ZRANB3: variants seen among roughly 807,000 people sequenced by gnomAD.
ZRANB3 encodes zinc finger RANBP2-type containing 3.
In ZRANB3, 125 loss-of-function variants were observed where a neutral mutation model predicts 133.8. That is an observed-to-expected ratio of 0.93 (90% CI 0.81 to 1.08). The LOEUF is 1.08. Ranked by LOEUF, ZRANB3 falls within the 50% of genes least tolerant of loss-of-function variation. ZRANB3 has a pLI of 0.00. For synonymous variants in ZRANB3, 387 were observed against 432.7 expected (o/e 0.89, Z 1.31); for missense variants, 1,229 against 1,275.5 (o/e 0.96, Z 0.56).
chr2:135,526,518 T>TACATGTTTAGCAGAC (rs1226569051), intron 1 of ZRANB3, among the ~76,000 whole-genome samples: 1 of 152,232 alleles, frequency 6.6e-6, no homozygotes, highest in Non-Finnish European at 1.5e-5. Context: ...AGTCATGCCC[T>TACATGTTTAGCAGAC]ACAAACCATA....
intron 8 of ZRANB3, 48 bp from the exon 9 acceptor site, chr2:135,275,803 T>G: frequency 7.2e-7 from 1 of 1,382,200 alleles, no homozygotes; most frequent in African/African-American, 1.5e-5. Flanking sequence ...AATGATTATT[T>G]AAAATTTATG....
chr2:135,236,575 T>C (rs900775016), intron 12 of ZRANB3, among the ~76,000 whole-genome samples: 3 of 152,200 alleles, frequency 2.0e-5, no homozygotes, highest in African/African-American at 7.2e-5. Flanking sequence ...AGCATGGTAC[T>C]GGTACCAAAA....
intron 1 of ZRANB3, among the ~76,000 whole-genome samples, chr2:135,523,165 T>C (rs903151576): frequency 7.2e-5 from 11 of 152,212 alleles, no homozygotes; most frequent in South Asian, 2.1e-4. Context: ...TTACTCAAAC[T>C]GGGTTTCATT....
chr2:135,406,510 CA>C (rs1056446419), intron 2 of ZRANB3, among the ~76,000 whole-genome samples: 2 of 151,898 alleles, frequency 1.3e-5, no homozygotes, highest in African/African-American at 4.8e-5. Context: ...CTAGCAGAGA[CA>C]AAACAAAAAA....
At chr2:135,346,557 C>T (rs1006894957) in intron 5 of ZRANB3, among the ~76,000 whole-genome samples, 1 of 151,988 alleles carries the variant, frequency 6.6e-6, no homozygotes, top group South Asian at 2.1e-4. Flanking sequence ...CATCCATTTG[C>T]ATTTCTATTA....
At chr2:135,243,912 G>T (rs971296179) in intron 12 of ZRANB3, among the ~76,000 whole-genome samples, 3 of 151,746 alleles carry the variant, frequency 2.0e-5, no homozygotes, top group African/African-American at 7.3e-5. Flanking sequence ...GAGCCACCAT[G>T]CCCGGCCTTA....
chr2:135,504,075 G>C, intron 2 of ZRANB3: 1 of 489,976 alleles, frequency 2.0e-6, no homozygotes, highest in Admixed American at 3.2e-5. Flanking sequence ...CAATATATGA[G>C]TTGCTGAGAG....
Position 135,315,492 on chromosome 2 carries a change from G to A in ZRANB3, c.716C>T (p.Ala239Val). ...GKRPQWDCRG[A>V]SNLNELHQLL... is the part of the protein sequence containing the mutation. ...CTGGTGAAGTTCATTAAGATTTGAT[G>A]CCCCTCTACAATCCCACTGAGGTCT... Residue 239 changes from alanine (A) to valine (V), a missense_variant, in exon 7 of 21, where the codon GCA becomes GTA. Physicochemically the swap from Ala to Val is moderately conservative, Grantham distance 64. Transcript: ENST00000264159. 3 of 1,580,556 alleles carry A rather than the reference G, an allele frequency of 1.9e-6. No individual in the cohort carries two copies. The highest frequency in any genetic ancestry group is 2.6e-6 in the Non-Finnish European group (3 of 1,167,066).
At chr2:135,394,792 C>CAA (rs1687400402) in intron 2 of ZRANB3, among the ~76,000 whole-genome samples, 1 of 151,478 alleles carries the variant, frequency 6.6e-6, no homozygotes, top group Non-Finnish European at 1.5e-5. Flanking sequence ...AAGAATCCAG[C>CAA]AAAAGAGAAT....
chr2:135,417,861 C>T (rs923990372), intron 2 of ZRANB3, among the ~76,000 whole-genome samples: 3 of 151,860 alleles, frequency 2.0e-5, no homozygotes, highest in East Asian at 1.9e-4. Context: ...ATCGCAAGGA[C>T]AAAAAACTGA....
chr2:135,416,276 C>A (rs1303436572), intron 2 of ZRANB3, among the ~76,000 whole-genome samples: 1 of 152,032 alleles, frequency 6.6e-6, no homozygotes, highest in South Asian at 2.1e-4. Flanking sequence ...GATACAAAAT[C>A]AATGTGCAAA....
In ZRANB3 at chr2:135,349,908, A is replaced by G. The variant is rs16831547; in HGVS notation, c.591+76T>C. The G allele has an allele frequency of 6.4e-3, 8,521 of 1,326,114 alleles. 376 individuals carry two copies. The African/African-American group carries it at 0.1, about 16-fold the overall frequency. The allele number at this position is 1,326,114 out of a possible 1,614,324, so 82.1% of individuals were successfully genotyped here. A position where few individuals can be genotyped will look rare whatever the true frequency, so the allele number is the denominator to read the frequency against. On this transcript the variant is annotated intron_variant, in intron 5 of 20. Transcript: ENST00000264159. ...CATCTAATTTGAAATTAAAAATTGCAAAACAGGTGGTTGATTCAATACGCC... is the reference window on the plus strand; with the variant it reads ...CATCTAATTTGAAATTAAAAATTGCGAAACAGGTGGTTGATTCAATACGCC...
rs1386409254 is a variant in ZRANB3 at position 135,402,456 on chromosome 2, G to A, written c.162-11636C>T. Among the ~76,000 whole-genome samples the A allele has an allele frequency of 3.3e-5, 5 of 151,412 alleles. No homozygotes were observed. In the South Asian group the frequency reaches 6.3e-4, roughly 19 times the overall value. On this transcript the variant is annotated intron_variant, in intron 2 of 20. Transcript: ENST00000264159. ...ACTACAGGAGCCCACCACCACGTCC[G>A]GCTAATTTTTTGTATTTTTAGTAGA...
chr2:135,464,399 T>G (rs1307556171), intron 2 of ZRANB3, among the ~76,000 whole-genome samples: 1 of 152,182 alleles, frequency 6.6e-6, no homozygotes, highest in Non-Finnish European at 1.5e-5. Flanking sequence ...CTGTTCGCCT[T>G]AGGGTGGAAG....
At chr2:135,275,986 A>G (rs1018129570) in intron 8 of ZRANB3, among the ~76,000 whole-genome samples, 4 of 152,176 alleles carry the variant, frequency 2.6e-5, no homozygotes, top group African/African-American at 9.7e-5. Context: ...GACAAGAATT[A>G]GAAGAATTAA....
chr2:135,250,189 C>T (rs1375494112), intron 12 of ZRANB3, among the ~76,000 whole-genome samples: 1 of 152,060 alleles, frequency 6.6e-6, no homozygotes, highest in Non-Finnish European at 1.5e-5. Flanking sequence ...GGCATTTTGC[C>T]CCTACCCTAG....
At chr2:135,474,530 C>T (rs6748210) in intron 2 of ZRANB3, among the ~76,000 whole-genome samples, 15,579 of 152,014 alleles carry the variant, frequency 0.1, 1,057 homozygotes, top group South Asian at 0.32. Context: ...AAGAAGCTGG[C>T]GCCTCCTCTC....
At position 135,408,447 on chromosome 2, in the gene ZRANB3, A is replaced by C. The variant is rs1379167585; in HGVS notation, c.162-17627T>G. On this transcript the variant is annotated intron_variant, in intron 2 of 20. Coordinates refer to ENST00000264159, the MANE Select transcript of ZRANB3 (RefSeq NM_032143.4). ...CCTAAGGGATCTACAACTAGAAATA[A>C]CGTTTGACCCAGCCATCCCATTACT... 8.0e-4 allele frequency among the ~76,000 whole-genome samples: 120 copies of C among 149,472 alleles called. 1 individual carries two copies. Among genetic ancestry groups the C allele is most frequent in the Non-Finnish European group, 1.3e-4 (9 of 67,994 alleles).
chr2:135,217,328 T>C (rs1165355733), intron 17 of ZRANB3, 137 bp downstream of exon 17: 3 of 818,156 alleles, frequency 3.7e-6, no homozygotes, highest in Non-Finnish European at 5.4e-6. Flanking sequence ...TGAAACAATA[T>C]GGCTGTGATT....
Sources: allele counts gnomAD v4.1 joint callset (sites outside exome capture counted in the v4.1 genomes callset), GRCh38; gene constraint gnomAD v4.1.1; transcripts MANE v1.5; gene names NCBI Gene and HGNC (gene_info 2026-07-23, HGNC 2026-07-21).